Variants in SIM1 observed in about 807,000 individuals in gnomAD.
The protein encoded by SIM1 is single-minded homolog 1.
A neutral mutation model predicts 78.2 loss-of-function variants in SIM1; 18 were observed. The ratio of observed to expected loss-of-function variants is 0.23; its 90% confidence interval spans 0.16 to 0.34. The LOEUF (loss-of-function observed/expected upper bound fraction) is 0.34. SIM1 is among the 10% of genes least tolerant of loss of function. SIM1 has a pLI of 1.00. For synonymous variants in SIM1, 417 were observed against 385.2 expected, an observed-to-expected ratio of 1.08 and a Z score of -0.97; for missense variants, 939 against 975.1, an observed-to-expected ratio of 0.96 and a Z score of 0.49.
At chr6:100,397,175 A>G (rs189267952) in intron 10 of SIM1, among the ~76,000 whole-genome samples, 2 of 152,148 alleles carry the variant, frequency 1.3e-5, no homozygotes, top group Non-Finnish European at 2.9e-5. Flanking sequence ...TTATGACACA[A>G]TTTCATTAGG....
intron 10 of SIM1, among the ~76,000 whole-genome samples, chr6:100,400,741 G>A (rs1770894724): frequency 6.6e-6 from 1 of 152,074 alleles, no homozygotes; most frequent in Non-Finnish European, 1.5e-5. Context: ...GTCCAAACTG[G>A]CAAACACACT....
intron 9 of SIM1, among the ~76,000 whole-genome samples, chr6:100,440,967 A>T (rs1772197665): frequency 6.6e-6 from 1 of 152,144 alleles, no homozygotes; most frequent in South Asian, 2.1e-4. Context: ...CCTCCCTTGA[A>T]TTTCTCCATC....
chr6:100,459,247 C>T (rs1366270892), intron 2 of SIM1, among the ~76,000 whole-genome samples: 1 of 152,136 alleles, frequency 6.6e-6, no homozygotes, highest in Non-Finnish European at 1.5e-5. Flanking sequence ...TATTAGTGAT[C>T]CCTCCCATTA....
At chr6:100,407,049 A>G (rs1047246925) in intron 10 of SIM1, among the ~76,000 whole-genome samples, 2 of 152,146 alleles carry the variant, frequency 1.3e-5, no homozygotes, top group African/African-American at 4.8e-5. Flanking sequence ...GATTCTACAT[A>G]TAAGTGAAAT....
chr6:100,388,063 T>A lies in SIM1; in HGVS notation c.*2298A>T, dbSNP rs913773703. Reference sequence around the variant, plus strand: ...TTAGCATTCTTAAGACATTACTTCATGTTGCAAATTGATCAAAACTCCATT... The same window carrying A: ...TTAGCATTCTTAAGACATTACTTCAAGTTGCAAATTGATCAAAACTCCATT... On this transcript the variant is annotated 3_prime_UTR_variant, in exon 12 of 12. Coordinates refer to ENST00000369208, the MANE Select transcript of SIM1 (RefSeq NM_005068.3). 6.6e-6 allele frequency: 1 copy of A among 152,198 alleles called. No homozygotes were observed. The highest frequency in any genetic ancestry group is 1.5e-5 in the Non-Finnish European group (1 of 68,006). 9.4% of individuals were successfully genotyped at this position (152,198 alleles called of 1,614,324 possible).
At chr6:100,445,628 G>T (rs1407241468) in intron 9 of SIM1, among the ~76,000 whole-genome samples, 1 of 152,114 alleles carries the variant, frequency 6.6e-6, no homozygotes, top group Non-Finnish European at 1.5e-5. Flanking sequence ...CCCATTGGGA[G>T]GTCTAACTTG....
intron 10 of SIM1, among the ~76,000 whole-genome samples, chr6:100,412,121 T>G (rs966959202): frequency 1.4e-4 from 21 of 152,062 alleles, no homozygotes; most frequent in Non-Finnish European, 1.5e-5. Context: ...CATGGCAGAC[T>G]GGGGAGGAAA....
chr6:100,403,754 A>G (rs2114478450), intron 10 of SIM1, among the ~76,000 whole-genome samples: 1 of 152,344 alleles, frequency 6.6e-6, no homozygotes, highest in Admixed American at 6.5e-5. Context: ...ACTAATACCC[A>G]TTACAACAAT....
In SIM1 at chr6:100,393,599, C is replaced by T. The variant is rs749913988; in HGVS notation, c.1458G>A (p.Arg486=). The change falls in exon 11 of 12, where the codon AGG becomes AGA. Residue 486 remains arginine, a synonymous_variant. Coordinates refer to ENST00000369208, the MANE Select transcript of SIM1 (RefSeq NM_005068.3). ...RYFLGTPQAG[R]EPWWGSRAAL... ...CTGCGCGAGAGCCCCACCAGGGCTC[C>T]CTCCCGGCCTGCGGCGTTCCCAGGA... The T allele has an allele frequency of 1.2e-6, 2 of 1,613,920 alleles. No homozygotes were observed. Among genetic ancestry groups the T allele is most frequent in the African/African-American group, 1.3e-5 (1 of 75,064 alleles).
rs1403023604 is a variant in SIM1 at position 100,453,743 on chromosome 6, G to T, written c.258+19C>A. ...AGACCCTCAAAGCTTATGTGTTGCC[G>T]GAAGACCTGCACCTGTACCTGGAGC... On this transcript the variant is annotated intron_variant, in intron 3 of 11. Transcript: ENST00000369208. The T allele has an allele frequency of 6.3e-7, 1 of 1,595,086 alleles. No individual in the cohort carries two copies. Among genetic ancestry groups the T allele is most frequent in the South Asian group, 1.1e-5 (1 of 89,484 alleles).
rs1301168409 is a variant in SIM1 at position 100,427,099 on chromosome 6, C to T, written c.999-6141G>A. On this transcript the variant is annotated intron_variant, in intron 9 of 11. Transcript: ENST00000369208. ...GTCACTGTTACACGAAGTGTATGAC[C>T]TTCTTTATATTCTGGCAGAGTTACC... 3.9e-5 allele frequency: 6 copies of T among 152,134 alleles called. No individual in the cohort carries two copies. In the East Asian group the frequency reaches 1.2e-3, roughly 29 times the overall value. The allele number at this position is 152,134 out of a possible 1,614,324, so 9.4% of individuals were successfully genotyped here. A position where few individuals can be genotyped will look rare whatever the true frequency, so the allele number is the denominator to read the frequency against.
At chr6:100,402,368 T>C (rs141371418) in intron 10 of SIM1, among the ~76,000 whole-genome samples, 133 of 152,234 alleles carry the variant, frequency 8.7e-4, no homozygotes, top group African/African-American at 3.2e-3. Flanking sequence ...TAGGGCCTTT[T>C]CTTCCAAATA....
intron 8 of SIM1, among the ~76,000 whole-genome samples, chr6:100,447,703 T>C (rs982368325): frequency 2.6e-5 from 4 of 152,190 alleles, no homozygotes; most frequent in Non-Finnish European, 5.9e-5. Flanking sequence ...CAGATTCGCT[T>C]TTCTAACTAC....
At chr6:100,455,617 G>A (rs888108959) in intron 2 of SIM1, among the ~76,000 whole-genome samples, 8 of 152,232 alleles carry the variant, frequency 5.3e-5, no homozygotes, top group African/African-American at 1.7e-4. Flanking sequence ...TGGGAAAGCC[G>A]AGGACGCCGG....
chr6:100,463,024 T>C (rs1582332828), intron 2 of SIM1: 3 of 375,444 alleles, frequency 8.0e-6, no homozygotes, highest in Non-Finnish European at 1.4e-5. Flanking sequence ...ATCTGAAGTG[T>C]TGACAAAAGG....
At chr6:100,458,986 T>A (rs1302939483) in intron 2 of SIM1, among the ~76,000 whole-genome samples, 1 of 152,234 alleles carries the variant, frequency 6.6e-6, no homozygotes, top group East Asian at 1.9e-4. Context: ...AAGCCTCATT[T>A]TCCTGAGAAA....
Position 100,451,019 on chromosome 6 carries a change from G to A in SIM1, c.259-663C>T, listed in dbSNP as rs535414901. Among the ~76,000 whole-genome samples the A allele has an allele frequency of 5.3e-5, 8 of 152,260 alleles. No homozygotes were observed. The South Asian group carries it at 1.7e-3, about 32-fold the overall frequency. On this transcript the variant is annotated intron_variant, in intron 3 of 11. Coordinates refer to ENST00000369208, the MANE Select transcript of SIM1 (RefSeq NM_005068.3). ...TCAAACTGACAGGCTCTCCATGAAG[G>A]AAAGTCTTAAGACTTTCACTGTCTC...
chr6:100,433,934 T>C (rs1008564256), intron 9 of SIM1, among the ~76,000 whole-genome samples: 4 of 152,172 alleles, frequency 2.6e-5, no homozygotes, highest in South Asian at 2.1e-4. Context: ...CAGCTTGTCA[T>C]AGAGATGACT....
chr6:100,403,023 C>T (rs2114477621), intron 10 of SIM1, among the ~76,000 whole-genome samples: 1 of 152,232 alleles, frequency 6.6e-6, no homozygotes, highest in East Asian at 1.9e-4. Context: ...TTATACCAAT[C>T]AATTAAGAAA....
Sources: gnomAD v4.1 joint callset for allele counts (sites outside exome capture counted in the v4.1 genomes callset) on GRCh38, gnomAD v4.1.1 for gene constraint, MANE v1.5 for transcripts, NCBI Gene and HGNC (gene_info 2026-07-23, HGNC 2026-07-21) for gene names.